Variants in ATXN7L1 observed in about 807,000 individuals in gnomAD.
ATXN7L1 encodes ataxin 7 like 1.
In ATXN7L1, 15 loss-of-function variants were observed where a neutral mutation model predicts 70.8. The ratio of observed to expected loss-of-function variants is 0.21; its 90% CI spans 0.14 to 0.33. The LOEUF (loss-of-function observed/expected upper bound fraction) is 0.33, where lower values mean the gene tolerates loss of function less well. ATXN7L1 is among the 10% of genes least tolerant of loss of function. The pLI, the probability that ATXN7L1 is intolerant of heterozygous loss-of-function variation, is 1.00. For missense variants in ATXN7L1, 975 were observed against 1,097.1 expected, an observed-to-expected ratio of 0.89 and a Z score of 1.57; for synonymous variants, 440 against 445.1, an observed-to-expected ratio of 0.99 and a Z score of 0.14.
At chr7:105,784,750 G>A (rs1804041748) in intron 3 of ATXN7L1, among the ~76,000 whole-genome samples, 1 of 152,210 alleles carries the variant, frequency 6.6e-6, no homozygotes, top group Admixed American at 6.5e-5. Flanking sequence ...TGAAGAAATG[G>A]AGGTGAAGAG....
intron 2 of ATXN7L1, among the ~76,000 whole-genome samples, chr7:105,830,554 T>C (rs1454377120): frequency 6.6e-6 from 1 of 152,282 alleles, no homozygotes; most frequent in African/African-American, 2.4e-5. Context: ...ATCTGAGTCA[T>C]CAAGCAGCCC....
intron 3 of ATXN7L1, among the ~76,000 whole-genome samples, chr7:105,731,783 G>GAAAAGAAAAGAAAAGAAAAGAAAAGAA (rs992148359): frequency 1.4e-5 from 2 of 143,588 alleles, no homozygotes; most frequent in African/African-American, 2.5e-5. Flanking sequence ...GAAAAGAAAA[G>GAAAAGAAAAGAAAAGAAAAGAAAAGAA]AAAAGAAAAG....
chr7:105,836,348 G>A (rs1408158674), intron 2 of ATXN7L1, among the ~76,000 whole-genome samples: 2 of 152,052 alleles, frequency 1.3e-5, no homozygotes, highest in African/African-American at 2.4e-5. Flanking sequence ...AGAGCTTCAG[G>A]GTCACCCAAA....
chr7:105,746,369 C>T (rs536027433), intron 3 of ATXN7L1, among the ~76,000 whole-genome samples: 3 of 152,326 alleles, frequency 2.0e-5, no homozygotes, highest in African/African-American at 7.2e-5. Flanking sequence ...CTGGATCCCT[C>T]CCTGAGCAGT....
intron 3 of ATXN7L1, among the ~76,000 whole-genome samples, chr7:105,787,174 C>T (rs936728054): frequency 5.3e-5 from 8 of 152,194 alleles, no homozygotes; most frequent in East Asian, 1.9e-4. Flanking sequence ...GCCAGGCACA[C>T]GACTTGCTCC....
chr7:105,692,704 C>G (rs1376842293), intron 3 of ATXN7L1, among the ~76,000 whole-genome samples: 1 of 151,844 alleles, frequency 6.6e-6, no homozygotes, highest in Non-Finnish European at 1.5e-5. Context: ...GTCTCAGCCT[C>G]CCAGAGTGCT....
chr7:105,758,953 C>A (rs537632617), intron 3 of ATXN7L1, among the ~76,000 whole-genome samples: 3 of 152,096 alleles, frequency 2.0e-5, no homozygotes, highest in Non-Finnish European at 4.4e-5. Flanking sequence ...GCCATCCCTG[C>A]GGAAGGGGGT....
intron 3 of ATXN7L1, among the ~76,000 whole-genome samples, chr7:105,670,136 G>C (rs1412991830): frequency 2.0e-5 from 3 of 152,102 alleles, no homozygotes; most frequent in African/African-American, 7.2e-5. Context: ...GTTTTGCGTT[G>C]GTGAGGAGGC....
chr7:105,640,602 C>G (rs188304732), intron 5 of ATXN7L1, among the ~76,000 whole-genome samples: 1 of 152,204 alleles, frequency 6.6e-6, no homozygotes, highest in African/African-American at 2.4e-5. Context: ...GGTGGGATCA[C>G]AAGGCTCACT....
At chr7:105,745,630 T>C (rs1395116151) in intron 3 of ATXN7L1, among the ~76,000 whole-genome samples, 1 of 152,214 alleles carries the variant, frequency 6.6e-6, no homozygotes, top group East Asian at 1.9e-4. Context: ...TACTTCACAC[T>C]GCATGGCCAC....
intron 11 of ATXN7L1, among the ~76,000 whole-genome samples, chr7:105,608,543 C>A (rs2115693694): frequency 6.6e-6 from 1 of 152,232 alleles, no homozygotes; most frequent in South Asian, 2.1e-4. Flanking sequence ...GAGCTATGGG[C>A]ACATGCAGGC....
chr7:105,727,759 T>C (rs1325567683), intron 3 of ATXN7L1, among the ~76,000 whole-genome samples: 2 of 89,034 alleles, frequency 2.2e-5, no homozygotes, highest in Non-Finnish European at 4.3e-5. Context: ...TATATATATA[T>C]ATATATATAT....
chr7:105,634,028 G>A (rs936372432), intron 7 of ATXN7L1, among the ~76,000 whole-genome samples: 7 of 152,152 alleles, frequency 4.6e-5, no homozygotes, highest in Non-Finnish European at 1.0e-4. Flanking sequence ...ATATAGTGGT[G>A]GATGCTTTCA....
At chr7:105,847,297 T>A (rs371665769) in intron 2 of ATXN7L1, among the ~76,000 whole-genome samples, 1 of 152,064 alleles carries the variant, frequency 6.6e-6, no homozygotes, top group African/African-American at 2.4e-5. Flanking sequence ...GGCCACTAGA[T>A]TAAGGACTGG....
intron 10 of ATXN7L1, among the ~76,000 whole-genome samples, chr7:105,611,990 C>T (rs1189998922): frequency 6.6e-6 from 1 of 152,204 alleles, no homozygotes; most frequent in Non-Finnish European, 1.5e-5. Context: ...TTAAATGCAT[C>T]CGTTTTTTTG....
intron 7 of ATXN7L1, among the ~76,000 whole-genome samples, chr7:105,626,037 T>G (rs569076083): frequency 6.6e-6 from 1 of 152,266 alleles, no homozygotes. Context: ...CTGGATACTT[T>G]GTTGCTTTGA....
chr7:105,736,624 A>C (rs484491), intron 3 of ATXN7L1, among the ~76,000 whole-genome samples: 1 of 151,984 alleles, frequency 6.6e-6, no homozygotes, highest in Non-Finnish European at 1.5e-5. Flanking sequence ...TTGAACTTTT[A>C]TTGAGATGGG....
intron 2 of ATXN7L1, among the ~76,000 whole-genome samples, chr7:105,873,030 T>A (rs980229593): frequency 2.6e-5 from 4 of 152,072 alleles, no homozygotes. Flanking sequence ...GGCGGGCGCC[T>A]GTAATCCCAG....
intron 3 of ATXN7L1, among the ~76,000 whole-genome samples, chr7:105,699,227 G>A (rs1792133026): frequency 6.6e-6 from 1 of 152,018 alleles, no homozygotes; most frequent in Non-Finnish European, 1.5e-5. Flanking sequence ...CTGCCTCCCA[G>A]GTTCAAGTGA....
Sources: gnomAD v4.1 joint callset for allele counts (sites outside exome capture counted in the v4.1 genomes callset) on GRCh38, gnomAD v4.1.1 for gene constraint, MANE v1.5 for transcripts, NCBI Gene and HGNC (gene_info 2026-07-23, HGNC 2026-07-21) for gene names.